Variants in PCDHGB1 observed in about 807,000 individuals in gnomAD.
The protein encoded by PCDHGB1 is protocadherin gamma subfamily B, 1, also known as protocadherin gamma-B1.
A neutral mutation model predicts 56.6 loss-of-function variants in PCDHGB1; 34 were observed. The ratio of observed to expected loss-of-function variants is 0.60; its 90% confidence interval spans 0.46 to 0.80. The LOEUF (loss-of-function observed/expected upper bound fraction) is 0.80. Among genes scored for constraint, PCDHGB1 ranks in the 30% least tolerant of loss-of-function variants. PCDHGB1 has a pLI of 0.00. For missense variants in PCDHGB1, 1,278 were observed against 1,204.6 expected, an observed-to-expected ratio of 1.06 and a Z score of -0.90; for synonymous variants, 561 against 505.9, an observed-to-expected ratio of 1.11 and a Z score of -1.46.
chr5:141,364,415 G>T (rs368621667), intron 1 of PCDHGB1: 47 of 1,612,964 alleles, frequency 2.9e-5, no homozygotes, highest in Admixed American at 1.2e-4. Flanking sequence ...GCCAGGATCC[G>T]GGCAGATCCG....
chr5:141,366,134 G>A, intron 1 of PCDHGB1: 1 of 1,614,204 alleles, frequency 6.2e-7, no homozygotes, highest in Non-Finnish European at 8.5e-7. Flanking sequence ...AGGCCAGAAC[G>A]CCTGGCTGTC....
At chr5:141,365,172 T>C in intron 1 of PCDHGB1, 2 of 1,613,882 alleles carry the variant, frequency 1.2e-6, no homozygotes, top group Non-Finnish European at 1.7e-6. Context: ...ACCTACTCTT[T>C]TCGCAATGAA....
At chr5:141,372,318 C>T (rs1768657000) in intron 1 of PCDHGB1, 2 of 1,613,632 alleles carry the variant, frequency 1.2e-6, no homozygotes, top group Non-Finnish European at 1.7e-6. Context: ...CCGCCAGCGC[C>T]TGCTGGTCAC....
At chr5:141,441,775 A>G (rs1005757857) in intron 1 of PCDHGB1, 27 of 388,638 alleles carry the variant, frequency 6.9e-5, no homozygotes, top group Admixed American at 5.4e-4. Context: ...GTGTTGGTGG[A>G]CGACCTGAAT....
At chr5:141,353,559 C>T (rs1360200137) in intron 1 of PCDHGB1, among the ~76,000 whole-genome samples, 1 of 152,026 alleles carries the variant, frequency 6.6e-6, no homozygotes, top group Non-Finnish European at 1.5e-5. Context: ...AATATTATTC[C>T]CACTCTATAA....
At chr5:141,408,478 T>C (rs1433834175) in intron 1 of PCDHGB1, 1 of 1,614,056 alleles carries the variant, frequency 6.2e-7, no homozygotes, top group Non-Finnish European at 8.5e-7. Context: ...GAATAGACCG[T>C]GAGCAAATAT....
intron 1 of PCDHGB1, among the ~76,000 whole-genome samples, chr5:141,368,118 A>C (rs896059920): frequency 6.6e-6 from 1 of 152,226 alleles, no homozygotes; most frequent in Non-Finnish European, 1.5e-5. Context: ...TCTTATTAAA[A>C]TATTCTTAAT....
Position 141,375,902 on chromosome 5 carries a change from C to A in PCDHGB1, c.2409+23233C>A. The stretch of plus-strand genomic sequence containing the variant: ...GGGCCAGAACGCCTGGCTGTCCTAC[C>A]GCCTGCTCAAGGCCAGCGAGCCAGG... On this transcript the variant is annotated intron_variant, in intron 1 of 3. Coordinates refer to ENST00000523390, the MANE Select transcript of PCDHGB1 (RefSeq NM_018922.3). 5 of 1,613,784 alleles carry A rather than the reference C, an allele frequency of 3.1e-6. No individual in the cohort carries two copies. The Admixed American group carries it at 5.0e-5, about 16-fold the overall frequency.
intron 1 of PCDHGB1, chr5:141,419,043 ATTC>A (rs560207463): frequency 6.2e-5 from 100 of 1,613,840 alleles, no homozygotes; most frequent in Non-Finnish European, 8.1e-5. Context: ...TTTAAGATTC[ATTC>A]TTCTTCTAAT....
intron 1 of PCDHGB1, chr5:141,364,253 T>C (rs1355902961): frequency 1.2e-5 from 18 of 1,490,992 alleles, no homozygotes; most frequent in Non-Finnish European, 1.6e-5. Context: ...TCAGGGAATA[T>C]GTACCCATCG....
At chr5:141,404,914 C>G (rs1423848318) in intron 1 of PCDHGB1, 1 of 1,613,830 alleles carries the variant, frequency 6.2e-7, no homozygotes, top group Non-Finnish European at 8.5e-7. Flanking sequence ...AGCCCCCTCT[C>G]TCGGCCACTG....
At position 141,350,868 on chromosome 5, in the gene PCDHGB1, G is replaced by C; in HGVS notation, c.608G>C (p.Ser203Thr). 1 of 1,614,062 alleles carries C rather than the reference G, an allele frequency of 6.2e-7. No individual in the cohort carries two copies. Among genetic ancestry groups the C allele is most frequent in the Non-Finnish European group, 8.5e-7 (1 of 1,179,900 alleles). ...LEKPLDREHQSSHRLILTAMD... is the reference protein window; with the variant it reads ...LEKPLDREHQTSHRLILTAMD... Reference sequence around the variant, plus strand: ...AAACCTCTAGACAGGGAACATCAGAGCTCTCATCGCTTAATCCTGACTGCC... The same window carrying C: ...AAACCTCTAGACAGGGAACATCAGACCTCTCATCGCTTAATCCTGACTGCC... The change falls in exon 1 of 4, where the codon AGC becomes ACC. Residue 203 changes from serine to threonine, a missense_variant. Ser to Thr is a moderately conservative substitution (Grantham distance 58). Transcript: ENST00000523390.
chr5:141,374,734 C>A, intron 1 of PCDHGB1: 1 of 1,610,164 alleles, frequency 6.2e-7, no homozygotes, highest in East Asian at 2.2e-5. Flanking sequence ...CCATGGATGG[C>A]GGCGACCCTG....
At chr5:141,428,792 T>A (rs1590880161) in intron 1 of PCDHGB1, 1 of 152,978 alleles carries the variant, frequency 6.5e-6, no homozygotes, top group Middle Eastern at 3.4e-3. Flanking sequence ...TTCCTTTCTG[T>A]GTGGGCCAGT....
chr5:141,410,817 ATGTCACCAGACTGAAGATATTTTGTCTT>A, intron 1 of PCDHGB1: 1 of 524,252 alleles, frequency 1.9e-6, no homozygotes, highest in Non-Finnish European at 3.1e-6. Flanking sequence ...TTGTAAAATA[ATGTCACCAGACTGAAGATATTTTGTCTT>A]TGTCTTTTTT....
At position 141,457,041 on chromosome 5, in the gene PCDHGB1, A is replaced by T. The variant is rs151212070; in HGVS notation, c.2410-37766A>T. On this transcript the variant is annotated intron_variant, in intron 1 of 3. Transcript: ENST00000523390. ...AAGTCCTAGTAGACTCAGTGATAGT[A>T]AAACTTTCATGCTTCCTTTTTGCCA... 2.3e-4 allele frequency among the ~76,000 whole-genome samples: 35 copies of T among 152,360 alleles called. No individual in the cohort carries two copies. In the East Asian group the frequency reaches 6.4e-3, roughly 28 times the overall value.
chr5:141,492,007 C>A, intron 1 of PCDHGB1: 1 of 629,072 alleles, frequency 1.6e-6, no homozygotes, highest in Non-Finnish European at 2.6e-6. Flanking sequence ...GCGATTTCCG[C>A]GGGTGTCGGG....
rs761126985 is a variant in PCDHGB1 at position 141,431,245 on chromosome 5, C to G, written c.2410-63562C>G. ...TACCCCACGCCTGGGATCCGGATAT[C>G]GGGAAGAACTCTCTGCAGAGCTACG... is the stretch of plus-strand genomic sequence containing the variant. On this transcript the variant is annotated intron_variant, in intron 1 of 3. Transcript: ENST00000523390. This position sits in a 1 kb window ranked among gnomAD's most constrained non-coding sequence, Gnocchi z 4.8. 1.2e-6 allele frequency: 2 copies of G among 1,614,016 alleles called. No homozygotes were observed. Among genetic ancestry groups the G allele is most frequent in the Non-Finnish European group, 1.7e-6 (2 of 1,180,046 alleles).
chr5:141,492,396 A>G (rs1400291073), intron 1 of PCDHGB1, among the ~76,000 whole-genome samples: 1 of 152,188 alleles, frequency 6.6e-6, no homozygotes, highest in Non-Finnish European at 1.5e-5. Flanking sequence ...GTCCACTCGC[A>G]GCTCCCCTCT....
Sources: gnomAD v4.1 joint callset for allele counts (sites outside exome capture counted in the v4.1 genomes callset) on GRCh38, gnomAD v4.1.1 for gene constraint, Gnocchi (gnomAD v3.1) non-coding constraint, MANE v1.5 for transcripts, NCBI Gene and HGNC (gene_info 2026-07-23, HGNC 2026-07-21) for gene names.